Variants in ZBTB44 observed in about 807,000 individuals in gnomAD.
The protein encoded by ZBTB44 is zinc finger and BTB domain-containing protein 44.
A neutral mutation model predicts 54.0 loss-of-function variants in ZBTB44; 15 were observed. The observed-to-expected ratio is 0.28, with a 90% CI of 0.19 to 0.43. The LOEUF is 0.43. Ranked by LOEUF, ZBTB44 falls within the 20% of genes least tolerant of loss-of-function variation. ZBTB44 has a pLI of 1.00. For synonymous variants in ZBTB44, 230 were observed against 250.1 expected, an observed-to-expected ratio of 0.92 and a Z score of 0.76; for missense variants, 487 against 707.1, an observed-to-expected ratio of 0.69 and a Z score of 3.53.
chr11:130,226,819 G>A lies in ZBTB44; in HGVS notation c.*4945C>T, dbSNP rs1464157251. 1.3e-5 allele frequency: 2 copies of A among 151,910 alleles called. No individual in the cohort carries two copies. Among genetic ancestry groups the A allele is most frequent in the African/African-American group, 4.8e-5 (2 of 41,362 alleles). 9.4% of individuals were successfully genotyped at this position (151,910 alleles called of 1,614,324 possible). A position where few individuals can be genotyped will look rare whatever the true frequency, so the allele number is the denominator to read the frequency against. On this transcript the variant is annotated 3_prime_UTR_variant, in exon 8 of 8. Transcript: ENST00000357899. ...TAACTGCAACTTTATGTGTGACCAT[G>A]TAATAAAGGCCAGTTTAAAGATTTT...
intron 1 of ZBTB44, among the ~76,000 whole-genome samples, chr11:130,272,498 T>G (rs958325358): frequency 6.6e-6 from 1 of 152,180 alleles, no homozygotes; most frequent in East Asian, 1.9e-4. Flanking sequence ...TAGTTGTGAG[T>G]TGCTTACCAG....
rs1565638633 is a variant in ZBTB44, at chr11:130,230,912, TAAAA to T, written c.*848_*851del. ...AAGTACATCACACCTATTTGGTAGTTAAAAAACTGAAAATAAAAGCTTGTACAAA... is the reference window on the plus strand; with the variant it reads ...AAGTACATCACACCTATTTGGTAGTTAACTGAAAATAAAAGCTTGTACAAA... On this transcript the variant is annotated 3_prime_UTR_variant, in exon 8 of 8. Transcript: ENST00000357899. 6.6e-6 allele frequency: 1 copy of T among 152,078 alleles called. No individual in the cohort carries two copies. The highest frequency in any genetic ancestry group is 2.4e-5 in the African/African-American group (1 of 41,444). The allele number at this position is 152,078 out of a possible 1,614,324, so 9.4% of individuals were successfully genotyped here.
intron 2 of ZBTB44, among the ~76,000 whole-genome samples, chr11:130,245,353 C>CAG (rs1219290597): frequency 5.3e-5 from 8 of 152,202 alleles, no homozygotes; most frequent in African/African-American, 1.9e-4. Flanking sequence ...GAACTGTTTA[C>CAG]TTGTCAGTAT....
At chr11:130,284,724 G>A (rs576279041) in intron 1 of ZBTB44, among the ~76,000 whole-genome samples, 10 of 152,176 alleles carry the variant, frequency 6.6e-5, no homozygotes, top group Admixed American at 2.6e-4. Flanking sequence ...AAATTTAGCC[G>A]ACGTGGTGGC....
chr11:130,245,651 G>A (rs1341409101), intron 2 of ZBTB44, among the ~76,000 whole-genome samples: 8 of 146,382 alleles, frequency 5.5e-5, no homozygotes, highest in Middle Eastern at 3.5e-3. Flanking sequence ...GACTGGCATC[G>A]GCTTCTCACT....
chr11:130,230,479 A>G lies in ZBTB44; in HGVS notation c.*1285T>C, dbSNP rs1001768303. 5.3e-5 allele frequency: 7 copies of G among 130,914 alleles called. No individual in the cohort carries two copies. The highest frequency in any genetic ancestry group is 3.1e-5 in the Non-Finnish European group (2 of 65,056). The allele number at this position is 130,914 out of a possible 1,614,324, so 8.1% of individuals were successfully genotyped here. The stretch of plus-strand genomic sequence containing the variant: ...GGGCATGTGTCGTAACAGGGGATCT[A>G]ATTACTGTAAGCCAGAATGATTGCT... On this transcript the variant is annotated 3_prime_UTR_variant, in exon 8 of 8. Transcript: ENST00000357899.
At chr11:130,252,470 T>C (rs1938093997) in intron 2 of ZBTB44, among the ~76,000 whole-genome samples, 1 of 152,156 alleles carries the variant, frequency 6.6e-6, no homozygotes, top group South Asian at 2.1e-4. Flanking sequence ...CAACAGAATA[T>C]ACATTCTTCT....
chr11:130,308,825 C>T (rs1350656358), intron 1 of ZBTB44, among the ~76,000 whole-genome samples: 1 of 152,158 alleles, frequency 6.6e-6, no homozygotes, highest in African/African-American at 2.4e-5. Flanking sequence ...TCTTCCCACT[C>T]CACTCCCTAA....
chr11:130,281,353 C>G (rs1940483891), intron 1 of ZBTB44, among the ~76,000 whole-genome samples: 1 of 151,794 alleles, frequency 6.6e-6, no homozygotes, highest in Non-Finnish European at 1.5e-5. Flanking sequence ...GACCCTGTCT[C>G]CACAAAAAAT....
chr11:130,286,620 A>G (rs908570489), intron 1 of ZBTB44, among the ~76,000 whole-genome samples: 1 of 152,238 alleles, frequency 6.6e-6, no homozygotes, highest in African/African-American at 2.4e-5. Flanking sequence ...ATATTACCCA[A>G]AACTCAGTGA....
chr11:130,310,107 G>A (rs1463790283), intron 1 of ZBTB44: 1 of 151,830 alleles, frequency 6.6e-6, no homozygotes, highest in East Asian at 1.9e-4. Context: ...CTTGAGCTCA[G>A]GAGTTTGAGA....
intron 1 of ZBTB44, among the ~76,000 whole-genome samples, chr11:130,309,148 G>A (rs1226404183): frequency 1.3e-5 from 2 of 152,176 alleles, no homozygotes; most frequent in Non-Finnish European, 2.9e-5. Flanking sequence ...AACATGCCCA[G>A]CAAGCCATTG....
chr11:130,237,187 G>C, intron 4 of ZBTB44, 94 bp from the exon 5 acceptor site: 1 of 1,247,782 alleles, frequency 8.0e-7, no homozygotes, highest in Non-Finnish European at 1.0e-6. Context: ...TGTAGCAACA[G>C]ATCATCTGAA....
chr11:130,274,296 A>AAG (rs1939895638), intron 1 of ZBTB44, among the ~76,000 whole-genome samples: 1 of 152,174 alleles, frequency 6.6e-6, no homozygotes, highest in African/African-American at 2.4e-5. Flanking sequence ...CAACGTGTAT[A>AAG]AGATCAGGTC....
intron 1 of ZBTB44, among the ~76,000 whole-genome samples, chr11:130,288,322 C>T (rs1396663277): frequency 4.6e-5 from 7 of 150,902 alleles, no homozygotes; most frequent in East Asian, 2.0e-4. Context: ...TGCAGTGAGC[C>T]GAGATCATGC....
At chr11:130,309,318 G>A (rs1313535890) in intron 1 of ZBTB44, among the ~76,000 whole-genome samples, 6 of 152,156 alleles carry the variant, frequency 3.9e-5, no homozygotes, top group African/African-American at 1.2e-4. Context: ...TGTGACCTAT[G>A]ACAGTGAGGA....
At position 130,227,502 on chromosome 11, in the gene ZBTB44, T is replaced by C. The variant is rs1953733654; in HGVS notation, c.*4262A>G. 1 of 152,206 alleles carries C rather than the reference T, an allele frequency of 6.6e-6. No individual in the cohort carries two copies. The highest frequency in any genetic ancestry group is 6.5e-5 in the Admixed American group (1 of 15,278). The allele number at this position is 152,206 out of a possible 1,614,324, so 9.4% of individuals were successfully genotyped here. ...TGCCAGTGCCCAGAAAGAATCACAA[T>C]GCTATAACTGGCAGGGTAAAAAAGT... is the stretch of plus-strand genomic sequence containing the variant. On this transcript the variant is annotated 3_prime_UTR_variant, in exon 8 of 8. Transcript: ENST00000357899.
At chr11:130,265,809 A>C (rs1318278984) in intron 1 of ZBTB44, among the ~76,000 whole-genome samples, 3 of 152,238 alleles carry the variant, frequency 2.0e-5, no homozygotes, top group Non-Finnish European at 4.4e-5. Flanking sequence ...GGGATGAGGA[A>C]GCTGCAGAAG....
In ZBTB44 at chr11:130,226,813, G is replaced by A. The variant is rs1322612723; in HGVS notation, c.*4951C>T. Reference sequence around the variant, plus strand: ...CTTTCCTAACTGCAACTTTATGTGTGACCATGTAATAAAGGCCAGTTTAAA... The same window carrying A: ...CTTTCCTAACTGCAACTTTATGTGTAACCATGTAATAAAGGCCAGTTTAAA... On this transcript the variant is annotated 3_prime_UTR_variant, in exon 8 of 8. Coordinates refer to ENST00000357899, the MANE Select transcript of ZBTB44 (RefSeq NM_001301098.2). 2 of 151,844 alleles carry A rather than the reference G, an allele frequency of 1.3e-5. No homozygotes were observed. 9.4% of individuals were successfully genotyped at this position (151,844 alleles called of 1,614,324 possible).
Sources: gnomAD v4.1 joint callset for allele counts (sites outside exome capture counted in the v4.1 genomes callset) on GRCh38, gnomAD v4.1.1 for gene constraint, MANE v1.5 for transcripts, NCBI Gene and HGNC (gene_info 2026-07-23, HGNC 2026-07-21) for gene names.